AGBL4: variants seen among roughly 807,000 people sequenced by gnomAD.
The protein encoded by AGBL4 is AGBL carboxypeptidase 4.
In AGBL4, 58 loss-of-function variants were observed where a neutral mutation model predicts 66.4. The ratio of observed to expected loss-of-function variants is 0.87; its 90% confidence interval spans 0.71 to 1.09. The LOEUF is 1.09. Ranked by LOEUF, AGBL4 falls within the 50% of genes least tolerant of loss-of-function variation. The probability of loss-of-function intolerance (pLI) is 0.00; values close to 1 mark genes in which losing one functional copy is unlikely to be tolerated. For missense variants in AGBL4, 579 were observed against 631.0 expected (o/e 0.92, Z 0.88); for synonymous variants, 234 against 222.9 (o/e 1.05, Z -0.44).
chr1:49,938,499 G>C (rs1276243557), intron 1 of AGBL4, among the ~76,000 whole-genome samples: 1 of 152,126 alleles, frequency 6.6e-6, no homozygotes, highest in Non-Finnish European at 1.5e-5. Context: ...CATTTTATGA[G>C]GACAGCACAT....
intron 5 of AGBL4, among the ~76,000 whole-genome samples, chr1:49,008,776 T>G (rs1253077414): frequency 6.8e-6 from 1 of 147,880 alleles, no homozygotes; most frequent in Non-Finnish European, 1.5e-5. Flanking sequence ...CCTGAATGAC[T>G]ACTGGGTACA....
At position 49,816,160 on chromosome 1, in the gene AGBL4, T is replaced by A. The variant is rs751065368; in HGVS notation, c.157+35236A>T. 7.9e-5 allele frequency among the ~76,000 whole-genome samples: 12 copies of A among 152,266 alleles called. No individual in the cohort carries two copies. The South Asian group carries it at 1.5e-3, about 18-fold the overall frequency. ...CCTCAGGCTCCTGAGTCATTGAGAT[T>A]ACCTGAGGCAGCATGCTCAGCTCTT... On this transcript the variant is annotated intron_variant, in intron 2 of 13. Transcript: ENST00000371839.
Position 49,130,789 on chromosome 1 carries a change from C to T in AGBL4, c.378-84989G>A, listed in dbSNP as rs368220954. 2.4e-4 allele frequency among the ~76,000 whole-genome samples: 36 copies of T among 151,962 alleles called. No homozygotes were observed. The East Asian group carries it at 4.6e-3, about 20-fold the overall frequency. On this transcript the variant is annotated intron_variant, in intron 4 of 13. Transcript: ENST00000371839. ...TTCTTTTGGCTTAGGATTGACTTGG[C>T]GATGTGGGCTCTTTTTTGGTTCCAT... is the stretch of plus-strand genomic sequence containing the variant.
chr1:49,638,977 C>A (rs1188442033), intron 3 of AGBL4, among the ~76,000 whole-genome samples: 6 of 152,060 alleles, frequency 3.9e-5, no homozygotes, highest in African/African-American at 1.4e-4. Flanking sequence ...CGAGTAAGTT[C>A]TATGACTCTT....
intron 4 of AGBL4, among the ~76,000 whole-genome samples, chr1:49,090,724 T>C (rs1032880443): frequency 5.3e-5 from 8 of 149,678 alleles, no homozygotes; most frequent in African/African-American, 1.8e-4. Context: ...TTTGCAGAAT[T>C]AGAAAAAAAC....
intron 4 of AGBL4, among the ~76,000 whole-genome samples, chr1:49,090,598 AAT>A (rs1557632411): frequency 6.6e-6 from 1 of 152,236 alleles, no homozygotes; most frequent in Non-Finnish European, 1.5e-5. Flanking sequence ...GATGCAAACA[AAT>A]AGATAAATAT....
At chr1:50,014,298 G>A (rs1460700133) in intron 1 of AGBL4, among the ~76,000 whole-genome samples, 2 of 151,744 alleles carry the variant, frequency 1.3e-5, no homozygotes, top group South Asian at 4.2e-4. Context: ...TTGAACCCAG[G>A]AGGTGGAGGC....
chr1:49,423,029 T>C (rs1006665158), intron 3 of AGBL4: 3 of 152,232 alleles, frequency 2.0e-5, no homozygotes, highest in Non-Finnish European at 2.9e-5. Flanking sequence ...TCACCTCTTC[T>C]AAGCCCAATC....
intron 1 of AGBL4, among the ~76,000 whole-genome samples, chr1:50,022,790 C>T (rs190750857): frequency 2.6e-5 from 4 of 152,192 alleles, no homozygotes; most frequent in African/African-American, 7.2e-5. Context: ...TCTTTTCTAC[C>T]CACACACCCA....
chr1:49,201,296 G>A (rs138435966), intron 4 of AGBL4, among the ~76,000 whole-genome samples: 119 of 152,122 alleles, frequency 7.8e-4, no homozygotes, highest in African/African-American at 2.8e-3. Flanking sequence ...TCTTAACTTG[G>A]CTGGAGTTCA....
At chr1:49,168,611 C>T (rs1646676639) in intron 4 of AGBL4, among the ~76,000 whole-genome samples, 1 of 152,090 alleles carries the variant, frequency 6.6e-6, no homozygotes, top group South Asian at 2.1e-4. Context: ...GGGTGCAGCC[C>T]TAGATTTTTG....
At chr1:49,263,825 C>A (rs1653468752) in intron 3 of AGBL4, among the ~76,000 whole-genome samples, 1 of 152,080 alleles carries the variant, frequency 6.6e-6, no homozygotes, top group African/African-American at 2.4e-5. Flanking sequence ...TAAGGAGACA[C>A]ATGCAGAGTT....
intron 4 of AGBL4, among the ~76,000 whole-genome samples, chr1:49,211,188 A>G (rs1648641088): frequency 6.6e-6 from 1 of 152,114 alleles, no homozygotes; most frequent in African/African-American, 2.4e-5. Context: ...CTGTCATAGG[A>G]TAATCATAGT....
chr1:49,329,966 A>G (rs1645300698), intron 3 of AGBL4, among the ~76,000 whole-genome samples: 1 of 152,216 alleles, frequency 6.6e-6, no homozygotes, highest in South Asian at 2.1e-4. Flanking sequence ...GCTCTGCTCC[A>G]TGCTTGTCAA....
chr1:49,179,309 G>A (rs1019722580), intron 4 of AGBL4, among the ~76,000 whole-genome samples: 1 of 151,892 alleles, frequency 6.6e-6, no homozygotes, highest in African/African-American at 2.4e-5. Flanking sequence ...AGAGCCAAAG[G>A]ATACAAAATC....
intron 4 of AGBL4, among the ~76,000 whole-genome samples, chr1:49,115,689 G>C (rs749638950): frequency 6.6e-6 from 1 of 152,062 alleles, no homozygotes; most frequent in Non-Finnish European, 1.5e-5. Context: ...AATCCTCATT[G>C]AAATTGTTAT....
chr1:48,813,675 T>C (rs1008573241), intron 6 of AGBL4, among the ~76,000 whole-genome samples: 9 of 152,196 alleles, frequency 5.9e-5, no homozygotes, highest in African/African-American at 2.2e-4. Context: ...TTGCTTCTCA[T>C]GGGTCAGACT....
intron 9 of AGBL4, among the ~76,000 whole-genome samples, chr1:48,629,952 G>A (rs537278934): frequency 2.6e-5 from 4 of 152,246 alleles, no homozygotes; most frequent in Admixed American, 6.5e-5. Context: ...CTCTAGGTTC[G>A]CTTCATCATT....
At chr1:49,204,265 T>C (rs963396042) in intron 4 of AGBL4, among the ~76,000 whole-genome samples, 33 of 152,076 alleles carry the variant, frequency 2.2e-4, no homozygotes, top group African/African-American at 8.0e-4. Context: ...AAACTATTTA[T>C]CTATTTTTTA....
Sources: allele counts gnomAD v4.1 joint callset (sites outside exome capture counted in the v4.1 genomes callset), GRCh38; gene constraint gnomAD v4.1.1; transcripts MANE v1.5; gene names NCBI Gene and HGNC (gene_info 2026-07-23, HGNC 2026-07-21).